Variants in CACNA1D observed in about 807,000 individuals in gnomAD.
CACNA1D encodes calcium voltage-gated channel subunit alpha1 D, also known as voltage-dependent L-type calcium channel subunit alpha-1D.
A neutral mutation model predicts 257.1 loss-of-function variants in CACNA1D; 55 were observed. The ratio of observed to expected loss-of-function variants is 0.21; its 90% CI spans 0.17 to 0.27. The LOEUF (loss-of-function observed/expected upper bound fraction) is 0.27. CACNA1D is among the 10% of genes least tolerant of loss of function. The probability of loss-of-function intolerance (pLI) is 1.00; values close to 1 mark genes in which losing one functional copy is unlikely to be tolerated. For missense variants in CACNA1D, 1,876 were observed against 2,784.0 expected (o/e 0.67, Z 7.34); for synonymous variants, 980 against 1,014.9 (o/e 0.97, Z 0.65).
intron 3 of CACNA1D, among the ~76,000 whole-genome samples, chr3:53,519,974 C>G (rs2091486976): frequency 6.6e-6 from 1 of 152,194 alleles, no homozygotes; most frequent in Admixed American, 6.5e-5. Flanking sequence ...GTGTGTATCA[C>G]TACTTCATTC....
intron 8 of CACNA1D, among the ~76,000 whole-genome samples, chr3:53,677,600 C>T (rs1486512670): frequency 6.6e-6 from 1 of 152,206 alleles, no homozygotes; most frequent in East Asian, 1.9e-4. Context: ...GATTTCCCAG[C>T]AGGTGGCCAC....
chr3:53,675,406 C>G (rs1305628292), intron 8 of CACNA1D, among the ~76,000 whole-genome samples: 1 of 152,198 alleles, frequency 6.6e-6, no homozygotes, highest in Non-Finnish European at 1.5e-5. Flanking sequence ...ACAAGGTTAA[C>G]AGCAATCCTG....
chr3:53,723,715 T>A lies in CACNA1D; in HGVS notation c.1892+56T>A. The stretch of plus-strand genomic sequence containing the variant: ...TTTATGAACATGAGGCGGCAACCAG[T>A]CACATCCCCGGGCAGGTGATGTTCT... On this transcript the variant is annotated intron_variant, in intron 13 of 47. Transcript: ENST00000350061. The surrounding 1 kb of genome is among the most constrained non-coding windows in gnomAD (Gnocchi z 5.6). 2 of 1,585,168 alleles carry A rather than the reference T, an allele frequency of 1.3e-6. No individual in the cohort carries two copies. Among genetic ancestry groups the A allele is most frequent in the Non-Finnish European group, 8.7e-7 (1 of 1,153,578 alleles).
rs749226178 is a variant in CACNA1D, at chr3:53,732,085, A to T, written c.2473+3A>T. 1 of 1,608,282 alleles carries T rather than the reference A, an allele frequency of 6.2e-7. No individual in the cohort carries two copies. The highest frequency in any genetic ancestry group is 8.5e-7 in the Non-Finnish European group (1 of 1,174,644). ...CTATCCGCCTTGCGATGTGCCAGGT[A>T]TGGTGGCGGAGGCCGGAGACGCTGG... On this transcript the variant is annotated splice_donor_region_variant and intron_variant, in intron 18 of 47. Coordinates refer to ENST00000350061, the MANE Select transcript of CACNA1D (RefSeq NM_001128840.3).
intron 40 of CACNA1D, among the ~76,000 whole-genome samples, chr3:53,798,428 A>G (rs2095519190): frequency 6.6e-6 from 1 of 152,198 alleles, no homozygotes; most frequent in Admixed American, 6.5e-5. Context: ...CTGTGATCAG[A>G]GGGACAGGAG....
intron 3 of CACNA1D, among the ~76,000 whole-genome samples, chr3:53,596,484 A>G (rs886424914): frequency 1.3e-5 from 2 of 152,150 alleles, no homozygotes; most frequent in African/African-American, 4.8e-5. Context: ...TGAGTATGTT[A>G]CCTTACATGG....
intron 40 of CACNA1D, among the ~76,000 whole-genome samples, chr3:53,799,650 C>T (rs895914963): frequency 3.3e-5 from 5 of 152,190 alleles, no homozygotes; most frequent in South Asian, 2.1e-4. Context: ...GTGGCCGGGT[C>T]GGTGTGCGTG....
chr3:53,805,743 C>T (rs1375163860), intron 45 of CACNA1D, among the ~76,000 whole-genome samples: 1 of 145,422 alleles, frequency 6.9e-6, no homozygotes, highest in Admixed American at 6.8e-5. Flanking sequence ...CTCCTCCTCC[C>T]TCATCTTCCC....
At chr3:53,543,288 C>T (rs1048036478) in intron 3 of CACNA1D, among the ~76,000 whole-genome samples, 6 of 152,130 alleles carry the variant, frequency 3.9e-5, no homozygotes, top group Admixed American at 2.6e-4. Flanking sequence ...TTTATAATTA[C>T]GATTTTAAAG....
intron 3 of CACNA1D, among the ~76,000 whole-genome samples, chr3:53,642,422 A>G (rs1320952432): frequency 6.6e-6 from 1 of 152,230 alleles, no homozygotes; most frequent in Non-Finnish European, 1.5e-5. Flanking sequence ...CCTTGGCTGC[A>G]TGCCAACTCT....
chr3:53,779,787 A>C (rs546863632), intron 37 of CACNA1D, among the ~76,000 whole-genome samples: 2 of 151,962 alleles, frequency 1.3e-5, no homozygotes, highest in African/African-American at 2.4e-5. Context: ...TGCTAATCTC[A>C]TCTGGAAAAA....
At position 53,722,261 on chromosome 3, in the gene CACNA1D, A is replaced by C. The variant is rs189185052; in HGVS notation, c.1506-53A>C. The C allele has an allele frequency of 6.3e-6, 10 of 1,597,050 alleles. No individual in the cohort carries two copies. The African/African-American group carries it at 1.2e-4, about 19-fold the overall frequency. ...ATTATCTCTCAATCATATTTATTGG[A>C]TACTCAGATGCTGTATCTGTCATCT... On this transcript the variant is annotated intron_variant, in intron 11 of 47. Transcript: ENST00000350061.
chr3:53,620,263 C>T (rs1041461183), intron 3 of CACNA1D, among the ~76,000 whole-genome samples: 1 of 152,138 alleles, frequency 6.6e-6, no homozygotes, highest in Non-Finnish European at 1.5e-5. Flanking sequence ...TAATTTCTAC[C>T]GTTAGAACCC....
intron 3 of CACNA1D, among the ~76,000 whole-genome samples, chr3:53,512,012 C>T (rs2091133147): frequency 6.6e-6 from 1 of 152,084 alleles, no homozygotes; most frequent in African/African-American, 2.4e-5. Flanking sequence ...TAATGAAACA[C>T]TGTTTATATT....
At chr3:53,665,126 G>A (rs1216368846) in intron 5 of CACNA1D, among the ~76,000 whole-genome samples, 1 of 151,714 alleles carries the variant, frequency 6.6e-6, no homozygotes, top group Non-Finnish European at 1.5e-5. Flanking sequence ...ATAGCCTCCA[G>A]TGGAATGCTG....
Position 53,718,738 on chromosome 3 carries a change from G to C in CACNA1D, c.1478+350G>C, listed in dbSNP as rs1241540775. On this transcript the variant is annotated intron_variant, in intron 10 of 47. Coordinates refer to ENST00000350061, the MANE Select transcript of CACNA1D (RefSeq NM_001128840.3). ...GCGGGGCCCTCTGGGTGTCGGCGGT[G>C]GGGGTAAAGGCCTGATTCTCCTTCC... The C allele has an allele frequency of 6.4e-7, 1 of 1,553,564 alleles. No individual in the cohort carries two copies. The highest frequency in any genetic ancestry group is 8.7e-7 in the Non-Finnish European group (1 of 1,149,118).
intron 11 of CACNA1D, among the ~76,000 whole-genome samples, chr3:53,721,139 A>T (rs2094878688): frequency 6.6e-6 from 1 of 152,220 alleles, no homozygotes; most frequent in Admixed American, 6.5e-5. Flanking sequence ...TGTCCTTAGT[A>T]GAGTTTTTCC....
chr3:53,752,269 G>A (rs1230821576), intron 28 of CACNA1D, among the ~76,000 whole-genome samples: 1 of 152,142 alleles, frequency 6.6e-6, no homozygotes, highest in African/African-American at 2.4e-5. Context: ...TGAATTTTTT[G>A]TGACTTGGGG....
At chr3:53,685,357 A>G (rs1326564307) in intron 8 of CACNA1D, among the ~76,000 whole-genome samples, 2 of 152,128 alleles carry the variant, frequency 1.3e-5, no homozygotes, top group Non-Finnish European at 2.9e-5. Flanking sequence ...GAAATTGATA[A>G]ATCTAGAAAC....
Sources: gnomAD v4.1 joint callset for allele counts (sites outside exome capture counted in the v4.1 genomes callset) on GRCh38, gnomAD v4.1.1 for gene constraint, Gnocchi (gnomAD v3.1) non-coding constraint, MANE v1.5 for transcripts, NCBI Gene and HGNC (gene_info 2026-07-23, HGNC 2026-07-21) for gene names.